Variants in C2CD5 observed in about 807,000 individuals in gnomAD.
C2CD5 encodes the protein C2 calcium dependent domain containing 5, also known as C2 domain-containing protein 5.
Under a neutral mutation model 130.3 loss-of-function variants are expected in C2CD5, and 109 were observed. The observed-to-expected ratio is 0.84, with a 90% confidence interval of 0.72 to 0.98. The LOEUF (loss-of-function observed/expected upper bound fraction) is 0.98, where lower values mean the gene tolerates loss of function less well. C2CD5 is among the 50% of genes least tolerant of loss of function. C2CD5 has a pLI of 0.00. For synonymous variants in C2CD5, 454 were observed against 429.2 expected, an observed-to-expected ratio of 1.06 and a Z score of -0.71; for missense variants, 996 against 1,261.8, an observed-to-expected ratio of 0.79 and a Z score of 3.19.
At chr12:22,526,908 C>T (rs1950769271) in intron 4 of C2CD5, among the ~76,000 whole-genome samples, 1 of 152,156 alleles carries the variant, frequency 6.6e-6, no homozygotes, top group African/African-American at 2.4e-5. Context: ...AATCCCAGCA[C>T]TCTGGGAAGC....
intron 6 of C2CD5, among the ~76,000 whole-genome samples, chr12:22,523,836 T>C (rs1277984322): frequency 6.6e-6 from 1 of 151,418 alleles, no homozygotes; most frequent in East Asian, 1.9e-4. Flanking sequence ...ATATAATATA[T>C]ACTTATACAG....
intron 2 of C2CD5, among the ~76,000 whole-genome samples, chr12:22,543,545 T>C (rs368790157): frequency 3.9e-5 from 6 of 152,236 alleles, no homozygotes; most frequent in African/African-American, 1.4e-4. Context: ...AAGGGCTTCA[T>C]GCACCTTCTT....
rs1280705987 is a variant in C2CD5 at position 22,544,343 on chromosome 12, C to A, written c.-53G>T. 8.1e-6 allele frequency: 4 copies of A among 495,384 alleles called. No individual in the cohort carries two copies. The highest frequency in any genetic ancestry group is 3.6e-5 in the East Asian group (1 of 27,450). 30.7% of individuals were successfully genotyped at this position (495,384 alleles called of 1,614,324 possible). The stretch of plus-strand genomic sequence containing the variant: ...ACTGTCGCAGGAGGAAGGGTGCTGT[C>A]CCGCGCGGGTGCTGAGACCTCATTC... On this transcript the variant is annotated 5_prime_UTR_variant, in exon 1 of 27. Coordinates refer to ENST00000446597, the MANE Select transcript of C2CD5 (RefSeq NM_001286176.2).
At chr12:22,466,578 C>T (rs1370469907) in intron 22 of C2CD5, among the ~76,000 whole-genome samples, 1 of 152,092 alleles carries the variant, frequency 6.6e-6, no homozygotes, top group Non-Finnish European at 1.5e-5. Flanking sequence ...ATTTTTCAGA[C>T]CTTTTCAAAA....
intron 21 of C2CD5, among the ~76,000 whole-genome samples, chr12:22,470,065 T>C (rs1180475606): frequency 6.6e-6 from 1 of 152,124 alleles, no homozygotes; most frequent in Non-Finnish European, 1.5e-5. Flanking sequence ...AAATAATAAA[T>C]GCTAGACAAT....
intron 1 of C2CD5, 45 bp downstream of exon 1, chr12:22,544,275 G>A (rs1454707550): frequency 2.7e-6 from 2 of 732,324 alleles, no homozygotes; most frequent in African/African-American, 1.9e-5. Context: ...AGCGCGCGGG[G>A]GCGCGCGCGG....
intron 22 of C2CD5, among the ~76,000 whole-genome samples, chr12:22,461,706 G>GT (rs2136057400): frequency 6.6e-6 from 1 of 152,096 alleles, no homozygotes; most frequent in East Asian, 1.9e-4. Context: ...CGATATACAT[G>GT]TATTACTTTT....
chr12:22,484,027 G>A (rs1945109408), intron 13 of C2CD5, among the ~76,000 whole-genome samples: 1 of 152,068 alleles, frequency 6.6e-6, no homozygotes, highest in Non-Finnish European at 1.5e-5. Flanking sequence ...GAGAGCTTTG[G>A]GCAGAGGGTC....
At chr12:22,471,294 A>C in intron 20 of C2CD5, 105 bp downstream of exon 20, 1 of 665,678 alleles carries the variant, frequency 1.5e-6, no homozygotes, top group South Asian at 2.0e-5. Flanking sequence ...ATTGTGAGGT[A>C]AACTAGTATA....
rs146031338 is a variant in C2CD5 at position 22,530,485 on chromosome 12, T to A, written c.178-2593A>T. On this transcript the variant is annotated intron_variant, in intron 3 of 26. Coordinates refer to ENST00000446597, the MANE Select transcript of C2CD5 (RefSeq NM_001286176.2). ...ATTTTTTTTTTTTTTTAAGACGGAGTCTCACTCTGTCACCCAGGCTGGAGT... is the reference window on the plus strand; with the variant it reads ...ATTTTTTTTTTTTTTTAAGACGGAGACTCACTCTGTCACCCAGGCTGGAGT... 4.4e-3 allele frequency among the ~76,000 whole-genome samples: 664 copies of A among 149,858 alleles called. 2 individuals are homozygous for A. Among genetic ancestry groups the A allele is most frequent in the African/African-American group, 0.016 (631 of 40,244 alleles).
intron 9 of C2CD5, among the ~76,000 whole-genome samples, chr12:22,512,977 G>A (rs906059287): frequency 1.3e-5 from 2 of 151,456 alleles, no homozygotes; most frequent in African/African-American, 4.8e-5. Context: ...TTTTTTTTCT[G>A]CAAAATGTTT....
chr12:22,527,005 C>T (rs1156747964), intron 4 of C2CD5, among the ~76,000 whole-genome samples: 2 of 152,172 alleles, frequency 1.3e-5, no homozygotes, highest in African/African-American at 2.4e-5. Flanking sequence ...ATTTAAAAAT[C>T]AGCCAGGTGT....
At chr12:22,515,398 C>G (rs986956402) in intron 8 of C2CD5, among the ~76,000 whole-genome samples, 1 of 152,042 alleles carries the variant, frequency 6.6e-6, no homozygotes, top group African/African-American at 2.4e-5. Context: ...TTTTAAATCA[C>G]TAACTTAGGA....
chr12:22,493,134 CTCTTT>C (rs1240331982), intron 11 of C2CD5, 84 bp downstream of exon 11: 8 of 744,424 alleles, frequency 1.1e-5, no homozygotes, highest in Admixed American at 2.3e-5. Flanking sequence ...CTTCGCTATT[CTCTTT>C]TCTTTTATTT....
At chr12:22,514,641 A>T (rs550681659) in intron 8 of C2CD5, among the ~76,000 whole-genome samples, 237 of 152,268 alleles carry the variant, frequency 1.6e-3, no homozygotes, top group Admixed American at 3.1e-3. Flanking sequence ...ATGATGACAC[A>T]GGTCCAATGT....
At chr12:22,534,300 A>C (rs1183085598) in intron 3 of C2CD5, among the ~76,000 whole-genome samples, 1 of 152,222 alleles carries the variant, frequency 6.6e-6, no homozygotes, top group East Asian at 1.9e-4. Flanking sequence ...TTACAAAAAA[A>C]CATAGGGGTA....
chr12:22,475,093 T>C (rs751689158), intron 15 of C2CD5, among the ~76,000 whole-genome samples: 1 of 152,090 alleles, frequency 6.6e-6, no homozygotes, highest in Non-Finnish European at 1.5e-5. Flanking sequence ...CAGAAAAATA[T>C]ATATAACTGT....
intron 6 of C2CD5, 25 bp from the exon 7 acceptor site, chr12:22,523,649 C>A (rs533738211): frequency 7.0e-6 from 11 of 1,576,768 alleles, no homozygotes; most frequent in African/African-American, 1.4e-5. Context: ...AAATCTCATT[C>A]TTGCTTTGTA....
At chr12:22,538,334 T>C (rs1952016464) in intron 2 of C2CD5, among the ~76,000 whole-genome samples, 1 of 152,204 alleles carries the variant, frequency 6.6e-6, no homozygotes. Context: ...ACCATTTCCA[T>C]GTCTTTACAT....
Sources: allele counts gnomAD v4.1 joint callset (sites outside exome capture counted in the v4.1 genomes callset), GRCh38; gene constraint gnomAD v4.1.1; transcripts MANE v1.5; gene names NCBI Gene and HGNC (gene_info 2026-07-23, HGNC 2026-07-21).